The following IFI30 variants were observed in gnomAD, a reference collection of about 807,000 sequenced individuals.
The protein encoded by IFI30 is IFI30 lysosomal thiol reductase.
In IFI30, 26 loss-of-function variants were observed where a neutral mutation model predicts 30.1. That is an observed-to-expected ratio of 0.87 (90% CI 0.63 to 1.20). The LOEUF is 1.20. IFI30 is among the 50% of genes most tolerant of loss of function. IFI30 has a pLI of 0.00. For missense variants in IFI30, 296 were observed against 312.5 expected (o/e 0.95, Z 0.40); for synonymous variants, 149 against 134.5 (o/e 1.11, Z -0.75).
rs1012048890 is a variant in IFI30, at chr19:18,176,067, T to C, written c.483+370T>C. 7.4e-5 allele frequency among the ~76,000 whole-genome samples: 11 copies of C among 149,218 alleles called. No individual in the cohort carries two copies. The South Asian group carries it at 1.5e-3, about 21-fold the overall frequency. On this transcript the variant is annotated intron_variant, in intron 4 of 6. Transcript: ENST00000407280. ...CATGTTGGTCAGGCTTGTCTTGAAC[T>C]CCTGACCTTGTGATCCGCCTGCCTT...
intron 5 of IFI30, 113 bp from the exon 6 acceptor site, chr19:18,177,598 C>T (rs149650847): frequency 6.9e-5 from 85 of 1,232,670 alleles, no homozygotes; most frequent in Non-Finnish European, 9.4e-5. Context: ...ATTTGCGAGG[C>T]GGGAGGCGGG....
At chr19:18,177,374 A>C in intron 5 of IFI30, 82 bp downstream of exon 5, 1 of 1,450,594 alleles carries the variant, frequency 6.9e-7, no homozygotes, top group African/African-American at 1.4e-5. Flanking sequence ...CCAGAGATAA[A>C]GGAACCCAGG....
intron 5 of IFI30, 24 bp from the exon 6 acceptor site, chr19:18,177,687 C>T (rs752472421): frequency 9.9e-6 from 16 of 1,612,218 alleles, no homozygotes; most frequent in East Asian, 2.2e-5. Flanking sequence ...TGGGAATATG[C>T]GACCCCTGTC....
Position 18,173,916 on chromosome 19 carries a change from G to C in IFI30, c.75G>C (p.Gln25His). ...TGGACGTCCCCACGGCGGCGGTGCA[G>C]GCGTCCCCTCTGCAAGCGTTAGACT... Reference protein sequence around the residue: ...LLLDVPTAAVQASPLQALDFF... With the variant: ...LLLDVPTAAVHASPLQALDFF... The change falls in exon 1 of 7, where the codon CAG becomes CAC. Residue 25 changes from glutamine to histidine, a missense_variant. Physicochemically the swap from Gln to His is conservative, Grantham distance 24 (BLOSUM62 0). Transcript: ENST00000407280. 6.4e-7 allele frequency: 1 copy of C among 1,551,492 alleles called. No homozygotes were observed. Among genetic ancestry groups the C allele is most frequent in the Non-Finnish European group, 8.7e-7 (1 of 1,147,340 alleles).
chr19:18,174,861 T>G, intron 1 of IFI30, 179 bp from the exon 2 acceptor site: 1 of 557,758 alleles, frequency 1.8e-6, no homozygotes. Context: ...ACAGTGAGAC[T>G]CCATCTCAAA....
intron 5 of IFI30, 57 bp downstream of exon 5, chr19:18,177,349 GACAA>G: frequency 6.6e-7 from 1 of 1,520,170 alleles, no homozygotes; most frequent in East Asian, 2.4e-5. Context: ...GTCAGGGATG[GACAA>G]GACAGAGGGA....
chr19:18,175,267 G>A lies in IFI30; in HGVS notation c.316-44G>A, dbSNP rs770838260. 25 of 1,575,416 alleles carry A rather than the reference G, an allele frequency of 1.6e-5. No individual in the cohort carries two copies. The Admixed American group carries it at 4.7e-4, about 30-fold the overall frequency. On this transcript the variant is annotated intron_variant, in intron 2 of 6. Coordinates refer to ENST00000407280, the MANE Select transcript of IFI30 (RefSeq NM_006332.5). ...ACTGAGGCACGTGGGCAGGGGAGCA[G>A]GGGACCCAGCCTACCAGCAGGCTCT...
intron 1 of IFI30, chr19:18,174,832 G>T: frequency 1.9e-6 from 1 of 523,592 alleles, no homozygotes; most frequent in East Asian, 3.2e-5. Flanking sequence ...AGATCGTGCC[G>T]CAGCACACCA....
intron 4 of IFI30, among the ~76,000 whole-genome samples, chr19:18,176,034 G>C (rs1967265700): frequency 6.6e-6 from 1 of 151,258 alleles, no homozygotes; most frequent in Non-Finnish European, 1.5e-5. Flanking sequence ...GTAGAGACAG[G>C]GTTTCACCAT....
intron 5 of IFI30, 130 bp from the exon 6 acceptor site, chr19:18,177,581 G>A (rs1600004582): frequency 9.3e-7 from 1 of 1,072,512 alleles, no homozygotes; most frequent in East Asian, 2.6e-5. Flanking sequence ...GGAAAGATGT[G>A]CCACTGATTT....
chr19:18,177,187 G>A lies in IFI30; in HGVS notation c.531G>A (p.Glu177=), dbSNP rs1223835399. The change falls in exon 5 of 7, where the codon GAG becomes GAA. Residue 177 remains glutamate (E), a synonymous_variant. Coordinates refer to ENST00000407280, the MANE Select transcript of IFI30 (RefSeq NM_006332.5). ...APGLSPDTIM[E]CAMGDRGMQL... is the part of the protein sequence containing the mutation. The stretch of plus-strand genomic sequence containing the variant: ...GGCTGTCGCCAGACACTATCATGGA[G>A]TGTGCAATGGGGGACCGCGGCATGC... The A allele has an allele frequency of 6.3e-7, 1 of 1,586,354 alleles. No individual in the cohort carries two copies. Among genetic ancestry groups the A allele is most frequent in the Non-Finnish European group, 8.6e-7 (1 of 1,166,870 alleles).
chr19:18,176,025 T>G (rs1967265606), intron 4 of IFI30, among the ~76,000 whole-genome samples: 1 of 151,776 alleles, frequency 6.6e-6, no homozygotes, highest in Admixed American at 6.6e-5. Context: ...GTGTTTTTAG[T>G]AGAGACAGGG....
chr19:18,177,605 C>T (rs1028604703), intron 5 of IFI30, 106 bp from the exon 6 acceptor site: 13 of 1,325,090 alleles, frequency 9.8e-6, no homozygotes, highest in Non-Finnish European at 1.4e-5. Flanking sequence ...AGGCGGGAGG[C>T]GGGGGCCAGA....
At chr19:18,174,144 T>G in intron 1 of IFI30, 171 bp downstream of exon 1, 1 of 625,870 alleles carries the variant, frequency 1.6e-6, no homozygotes, top group Non-Finnish European at 2.6e-6. Flanking sequence ...GCGGCCACAC[T>G]CCCTCCGTGC....
rs1241135216 is a variant in IFI30 at position 18,175,088 on chromosome 19, C to T, written c.181C>T (p.Leu61Phe). The change falls in exon 2 of 7, where the codon CTT (leucine) becomes TTT (phenylalanine). Residue 61 changes from leucine to phenylalanine, a missense_variant. By Grantham distance (22) the Leu-to-Phe change is conservative (BLOSUM62 0). Coordinates refer to ENST00000407280, the MANE Select transcript of IFI30 (RefSeq NM_006332.5). ...RGPLKKSNAP[L>F]VNVTLYYEAL... The stretch of plus-strand genomic sequence containing the variant: ...GCCCCTGAAGAAGTCCAATGCACCG[C>T]TTGTCAATGTGACCCTCTACTATGA... 1 of 1,613,884 alleles carries T rather than the reference C, an allele frequency of 6.2e-7. No individual in the cohort carries two copies. The highest frequency in any genetic ancestry group is 8.5e-7 in the Non-Finnish European group (1 of 1,179,846).
At position 18,175,107 on chromosome 19, in the gene IFI30, A is replaced by G; in HGVS notation, c.200A>G (p.Tyr67Cys). Residue 67 changes from tyrosine (Y) to cysteine (C), a missense_variant, in exon 2 of 7, where the codon TAC (tyrosine) becomes TGC (cysteine). Coordinates refer to ENST00000407280, the MANE Select transcript of IFI30 (RefSeq NM_006332.5). The stretch of plus-strand genomic sequence containing the variant: ...GCACCGCTTGTCAATGTGACCCTCT[A>G]CTATGAAGCACTGTGCGGTGGCTGC... ...SNAPLVNVTL[Y>C]YEALCGGCRA... 6.2e-7 allele frequency: 1 copy of G among 1,613,642 alleles called. No homozygotes were observed. The highest frequency in any genetic ancestry group is 8.5e-7 in the Non-Finnish European group (1 of 1,179,740).
intron 1 of IFI30, 169 bp downstream of exon 1, chr19:18,174,142 ACT>A: frequency 3.2e-6 from 2 of 625,348 alleles, no homozygotes; most frequent in Non-Finnish European, 5.3e-6. Flanking sequence ...CTGCGGCCAC[ACT>A]CCCTCCGTGC....
intron 4 of IFI30, among the ~76,000 whole-genome samples, chr19:18,176,740 C>T (rs1193956193): frequency 6.6e-6 from 1 of 152,166 alleles, no homozygotes; most frequent in East Asian, 1.9e-4. Flanking sequence ...CACCTAGTGA[C>T]ACCCTAGTCC....
chr19:18,173,862 G>C lies in IFI30; in HGVS notation c.21G>C (p.Leu7=), dbSNP rs1055793899. Residue 7 remains leucine, a synonymous_variant, in exon 1 of 7, where the codon CTG becomes CTC. Transcript: ENST00000407280. The stretch of plus-strand genomic sequence containing the variant: ...CTGCGATGACCCTGTCGCCACTTCT[G>C]CTGTTCCTGCCACCGCTGCTGCTGC... MTLSPL[L]LFLPPLLLLL... 6.5e-7 allele frequency: 1 copy of C among 1,549,286 alleles called. No homozygotes were observed. The highest frequency in any genetic ancestry group is 8.7e-7 in the Non-Finnish European group (1 of 1,146,882).
Sources: allele counts gnomAD v4.1 joint callset (sites outside exome capture counted in the v4.1 genomes callset), GRCh38; gene constraint gnomAD v4.1.1; transcripts MANE v1.5; gene names NCBI Gene and HGNC (gene_info 2026-07-23, HGNC 2026-07-21).